PRDM16: variants seen among roughly 807,000 people sequenced by gnomAD.
PRDM16 encodes PR/SET domain 16.
Under a neutral mutation model 110.6 loss-of-function variants are expected in PRDM16, and 23 were observed. The ratio of observed to expected loss-of-function variants is 0.21; its 90% CI spans 0.15 to 0.29. The LOEUF (loss-of-function observed/expected upper bound fraction) is 0.29, where lower values mean the gene tolerates loss of function less well. PRDM16 is among the 10% of genes least tolerant of loss of function. The pLI is 1.00. For missense variants in PRDM16, 1,615 were observed against 1,794.3 expected (o/e 0.90, Z 1.81); for synonymous variants, 799 against 781.8 (o/e 1.02, Z -0.37).
At position 3,435,089 on chromosome 1, in the gene PRDM16, GC is replaced by G. The variant is rs539551117; in HGVS notation, c.*1284del. 4.4e-6 allele frequency: 1 copy of G among 227,022 alleles called. No homozygotes were observed. The highest frequency in any genetic ancestry group is 1.8e-4 in the South Asian group (1 of 5,460). The allele number at this position is 227,022 out of a possible 1,614,324, so 14.1% of individuals were successfully genotyped here. A position where few individuals can be genotyped will look rare whatever the true frequency, so the allele number is the denominator to read the frequency against. ...TGCCGCAAGGAGCAGAGACAGCACA[GC>G]CCCCCGGGCCCAGCCGCCTCCCTCT... On this transcript the variant is annotated 3_prime_UTR_variant, in exon 17 of 17. Coordinates refer to ENST00000270722, the MANE Select transcript of PRDM16 (RefSeq NM_022114.4).
Position 3,412,560 on chromosome 1 carries a change from T to C in PRDM16, c.2363T>C (p.Met788Thr). ...KPKDVKPILP[M>T]PKGPSAPASG... ...AAAGACGTGAAGCCCATCCTGCCCA[T>C]GCCCAAGGGCCCCTCGGCCCCCGCA... Residue 788 changes from methionine (M) to threonine (T), a missense_variant, in exon 9 of 17, where the codon ATG (methionine) becomes ACG (threonine). Transcript: ENST00000270722. 1 of 1,611,372 alleles carries C rather than the reference T, an allele frequency of 6.2e-7. No individual in the cohort carries two copies. The highest frequency in any genetic ancestry group is 2.2e-5 in the East Asian group (1 of 44,858).
At position 3,238,274 on chromosome 1, in the gene PRDM16, G is replaced by C. The variant is rs186312354; in HGVS notation, c.388-5813G>C. ...GGTGGTGGCTGGGAGTGTAAACAGC[G>C]GCGTAGAGACCTCTGTGCATTTCAG... On this transcript the variant is annotated intron_variant, in intron 2 of 16. Transcript: ENST00000270722. Among the ~76,000 whole-genome samples, 258 of 152,250 alleles carry C rather than the reference G, an allele frequency of 1.7e-3. 4 individuals carry two copies. The highest frequency in any genetic ancestry group is 5.8e-3 in the African/African-American group (243 of 41,558).
chr1:3,353,643 G>A lies in PRDM16; in HGVS notation c.439-31509G>A, dbSNP rs1642537873. On this transcript the variant is annotated intron_variant, in intron 3 of 16. Transcript: ENST00000270722. The surrounding 1 kb of genome is among the most constrained non-coding windows in gnomAD (Gnocchi z 5.4). The stretch of plus-strand genomic sequence containing the variant: ...CGGCAGTTGGCAAACCATTGACTCA[G>A]GCCACCTCACTGCACCCACAGGCTT... 1.3e-5 allele frequency among the ~76,000 whole-genome samples: 2 copies of A among 152,336 alleles called. No individual in the cohort carries two copies. Among genetic ancestry groups the A allele is most frequent in the East Asian group, 1.9e-4 (1 of 5,172 alleles).
chr1:3,089,137 G>C (rs1411388372), intron 1 of PRDM16, among the ~76,000 whole-genome samples: 1 of 152,226 alleles, frequency 6.6e-6, no homozygotes, highest in Non-Finnish European at 1.5e-5. Flanking sequence ...CGCCCCACCT[G>C]TCCTCAGCGG....
At position 3,147,852 on chromosome 1, in the gene PRDM16, T is replaced by C. The variant is rs182591452; in HGVS notation, c.38-38273T>C. Among the ~76,000 whole-genome samples the C allele has an allele frequency of 4.5e-4, 68 of 152,270 alleles. 1 individual carries two copies. In the East Asian group the frequency reaches 0.012, roughly 26 times the overall value. On this transcript the variant is annotated intron_variant, in intron 1 of 16. Transcript: ENST00000270722. ...GGTTCCTCCAGGCCATGGGGCAGGCTGAGAGCTGATACTGGCCCCTCTCGC... is the reference window on the plus strand; with the variant it reads ...GGTTCCTCCAGGCCATGGGGCAGGCCGAGAGCTGATACTGGCCCCTCTCGC...
intron 1 of PRDM16, among the ~76,000 whole-genome samples, chr1:3,109,900 A>G (rs1403844044): frequency 6.6e-6 from 1 of 152,232 alleles, no homozygotes; most frequent in Non-Finnish European, 1.5e-5. Context: ...ACAGACACAG[A>G]CAGCAGCTCC....
intron 3 of PRDM16, among the ~76,000 whole-genome samples, chr1:3,329,253 A>T (rs1641991220): frequency 6.6e-6 from 1 of 152,240 alleles, no homozygotes; most frequent in Admixed American, 6.5e-5. Flanking sequence ...GGCGTTCCAG[A>T]TGGTGCTAGG....
intron 10 of PRDM16, among the ~76,000 whole-genome samples, chr1:3,416,285 G>T (rs1638256549): frequency 6.6e-6 from 1 of 152,202 alleles, no homozygotes; most frequent in Non-Finnish European, 1.5e-5. Context: ...TCCCTGGCAA[G>T]CAGGTCTCCG....
intron 2 of PRDM16, among the ~76,000 whole-genome samples, chr1:3,221,986 A>C (rs1639160814): frequency 6.6e-6 from 1 of 152,230 alleles, no homozygotes; most frequent in Non-Finnish European, 1.5e-5. Context: ...TTCATGAAGT[A>C]GTCTCGCGTC....
chr1:3,125,307 GC>G (rs1461522601), intron 1 of PRDM16, among the ~76,000 whole-genome samples: 1 of 152,254 alleles, frequency 6.6e-6, no homozygotes, highest in Non-Finnish European at 1.5e-5. Context: ...CTCAGAGCTG[GC>G]CAGAGGAGGC....
rs1270496059 is a variant in PRDM16, at chr1:3,431,088, G to A, written c.3501G>A (p.Val1167=). 5 of 1,551,388 alleles carry A rather than the reference G, an allele frequency of 3.2e-6. No individual in the cohort carries two copies. The East Asian group carries it at 9.7e-5, about 30-fold the overall frequency. The change falls in exon 15 of 17, where the codon GTG becomes GTA. Residue 1167 remains valine, a synonymous_variant. Transcript: ENST00000270722. ...EDEEPAASLA[V]GFDHTRRCAE... Reference sequence around the variant, plus strand: ...AGGAGCCAGCCGCCTCCCTGGCCGTGGGCTTTGACCACACCCGAAGGTGGG... The same window carrying A: ...AGGAGCCAGCCGCCTCCCTGGCCGTAGGCTTTGACCACACCCGAAGGTGGG...
chr1:3,389,127 C>T (rs538371334), intron 4 of PRDM16, among the ~76,000 whole-genome samples: 1 of 152,300 alleles, frequency 6.6e-6, no homozygotes, highest in African/African-American at 2.4e-5. Flanking sequence ...AAAAGAGGAC[C>T]GGCCATGTGC....
intron 3 of PRDM16, among the ~76,000 whole-genome samples, chr1:3,320,454 A>G (rs1339450282): frequency 3.3e-5 from 5 of 152,200 alleles, no homozygotes; most frequent in African/African-American, 1.2e-4. Flanking sequence ...AGTCACAGGC[A>G]GCAGGTGGGG....
Position 3,416,325 on chromosome 1 carries a change from G to A in PRDM16, c.2692-1503G>A, listed in dbSNP as rs188379742. 8.8e-3 allele frequency among the ~76,000 whole-genome samples: 1,343 copies of A among 152,314 alleles called. 5 individuals carry two copies. Among genetic ancestry groups the A allele is most frequent in the Non-Finnish European group, 0.015 (1,025 of 68,020 alleles). ...GCTGAGTGCCAGATGCCCGGCACTC[G>A]GACTCTGAGAGACCCCAGCCGCGTG... On this transcript the variant is annotated intron_variant, in intron 10 of 16. Transcript: ENST00000270722.
chr1:3,365,957 CACAT>C, intron 3 of PRDM16, among the ~76,000 whole-genome samples: 1 of 152,114 alleles, frequency 6.6e-6, no homozygotes, highest in East Asian at 1.9e-4. Context: ...CACGCATGCA[CACAT>C]GCACACACAC....
intron 1 of PRDM16, among the ~76,000 whole-genome samples, chr1:3,131,263 T>C (rs1643330974): frequency 6.6e-6 from 1 of 152,240 alleles, no homozygotes; most frequent in Non-Finnish European, 1.5e-5. Context: ...GCATTTATTT[T>C]GCCTTTGAGA....
At chr1:3,164,634 G>T (rs547480816) in intron 1 of PRDM16, among the ~76,000 whole-genome samples, 3 of 152,318 alleles carry the variant, frequency 2.0e-5, no homozygotes, top group Admixed American at 2.0e-4. Flanking sequence ...GAGGTGTGAG[G>T]GATTGCTCAC....
intron 1 of PRDM16, among the ~76,000 whole-genome samples, chr1:3,070,034 A>C: frequency 6.6e-6 from 1 of 151,880 alleles, no homozygotes; most frequent in South Asian, 2.1e-4. Flanking sequence ...GGACGCCGGC[A>C]GCCTGCGCGG....
At chr1:3,239,459 G>A (rs991990839) in intron 2 of PRDM16, among the ~76,000 whole-genome samples, 1 of 152,142 alleles carries the variant, frequency 6.6e-6, no homozygotes, top group African/African-American at 2.4e-5. Flanking sequence ...ATGGGATGTG[G>A]AGGTTGTAGA....
Sources: allele counts gnomAD v4.1 joint callset (sites outside exome capture counted in the v4.1 genomes callset), GRCh38; gene constraint gnomAD v4.1.1; non-coding constraint Gnocchi (gnomAD v3.1); transcripts MANE v1.5; gene names NCBI Gene and HGNC (gene_info 2026-07-23, HGNC 2026-07-21).